Variants in TAF2 observed in about 807,000 individuals in gnomAD.
TAF2 encodes the protein transcription initiation factor TFIID subunit 2.
A neutral mutation model predicts 138.5 loss-of-function variants in TAF2; 61 were observed. The observed-to-expected ratio is 0.44, with a 90% CI of 0.36 to 0.54. The LOEUF (loss-of-function observed/expected upper bound fraction) is 0.54, where lower values mean the gene tolerates loss of function less well. TAF2 is among the 20% of genes least tolerant of loss of function. TAF2 has a pLI of 0.00. For missense variants in TAF2, 1,090 were observed against 1,427.9 expected (o/e 0.76, Z 3.81); for synonymous variants, 475 against 469.9 (o/e 1.01, Z -0.14).
chr8:119,806,535 T>C lies in TAF2; in HGVS notation c.300-134A>G. The C allele has an allele frequency of 1.0e-5, 7 of 691,278 alleles. No homozygotes were observed. The South Asian group carries it at 1.2e-4, about 12-fold the overall frequency. The allele number at this position is 691,278 out of a possible 1,614,324, so 42.8% of individuals were successfully genotyped here. On this transcript the variant is annotated intron_variant, in intron 3 of 25. Coordinates refer to ENST00000378164, the MANE Select transcript of TAF2 (RefSeq NM_003184.4). ...CCCAGGCCAGAGGTCAGTGGCACCA[T>C]CTCAACTCACTGCAACCTCCACCTC...
At chr8:119,754,127 T>C (rs1820539973) in intron 22 of TAF2, among the ~76,000 whole-genome samples, 1 of 152,170 alleles carries the variant, frequency 6.6e-6, no homozygotes, top group Non-Finnish European at 1.5e-5. Flanking sequence ...ACAAGGTCCA[T>C]CCTATTTTCA....
intron 6 of TAF2, among the ~76,000 whole-genome samples, chr8:119,798,813 G>C (rs1028505768): frequency 1.1e-4 from 16 of 152,052 alleles, no homozygotes; most frequent in Non-Finnish European, 1.5e-5. Flanking sequence ...GCTACCATAA[G>C]AGTGGAGAAA....
At chr8:119,758,886 T>C (rs937851495) in intron 20 of TAF2, among the ~76,000 whole-genome samples, 4 of 152,154 alleles carry the variant, frequency 2.6e-5, no homozygotes, top group Admixed American at 2.0e-4. Context: ...TTAAATTATA[T>C]TCATAGTTCA....
At chr8:119,819,324 A>C in intron 3 of TAF2, 22 bp downstream of exon 3, 1 of 1,608,166 alleles carries the variant, frequency 6.2e-7, no homozygotes, top group Non-Finnish European at 8.5e-7. Flanking sequence ...AAAAATAGTG[A>C]CTTTTAAAGT....
chr8:119,803,611 G>A (rs1824413297), intron 5 of TAF2, among the ~76,000 whole-genome samples: 1 of 151,352 alleles, frequency 6.6e-6, no homozygotes, highest in South Asian at 2.1e-4. Flanking sequence ...AGAATCACTT[G>A]AACCCAGGAG....
At chr8:119,826,290 C>A (rs1355212353) in intron 2 of TAF2, among the ~76,000 whole-genome samples, 17 of 149,942 alleles carry the variant, frequency 1.1e-4, no homozygotes, top group African/African-American at 2.7e-4. Context: ...AACAAACAAA[C>A]AAAAAAAACA....
chr8:119,764,395 G>T (rs1821287041), intron 18 of TAF2, among the ~76,000 whole-genome samples: 1 of 152,130 alleles, frequency 6.6e-6, no homozygotes, highest in Admixed American at 6.5e-5. Context: ...TTTTCAAAAT[G>T]AAAACACAGT....
In TAF2 at chr8:119,803,954, C is replaced by T. The variant is rs1395087372; in HGVS notation, c.484G>A (p.Val162Met). Residue 162 changes from valine to methionine, a missense_variant, in exon 5 of 26, where the codon GTG becomes ATG. Val to Met is a conservative substitution (Grantham distance 21). Transcript: ENST00000378164. ...ATACTTCCCTCTACACTGGGTACCA[C>T]AAAATGAAGACCTCCTTTGGGCTGA... ...LDQPKGGLHF[V>M]VPSVEGSMAE... 4 of 1,613,938 alleles carry T rather than the reference C, an allele frequency of 2.5e-6. No homozygotes were observed. Among genetic ancestry groups the T allele is most frequent in the African/African-American group, 1.3e-5 (1 of 74,908 alleles).
At chr8:119,750,769 A>G (rs767551131) in intron 22 of TAF2, among the ~76,000 whole-genome samples, 4 of 152,208 alleles carry the variant, frequency 2.6e-5, no homozygotes, top group Non-Finnish European at 5.9e-5. Flanking sequence ...AATCCTATCA[A>G]ACTGAATTAG....
At chr8:119,788,188 G>A in intron 14 of TAF2, 150 bp downstream of exon 14, 1 of 665,228 alleles carries the variant, frequency 1.5e-6, no homozygotes, top group Non-Finnish European at 2.6e-6. Context: ...GTACACCTAT[G>A]TAACAAACCT....
chr8:119,780,645 A>G (rs761581874), intron 17 of TAF2, among the ~76,000 whole-genome samples: 2 of 152,146 alleles, frequency 1.3e-5, no homozygotes, highest in Non-Finnish European at 2.9e-5. Flanking sequence ...GTTTAAAAGT[A>G]AAAAAAGAGG....
At chr8:119,797,627 T>TA in intron 7 of TAF2, 35 bp downstream of exon 7, 1 of 1,593,318 alleles carries the variant, frequency 6.3e-7, no homozygotes, top group Non-Finnish European at 8.6e-7. Flanking sequence ...ATCATGATCT[T>TA]AATTTAGGCA....
intron 20 of TAF2, among the ~76,000 whole-genome samples, chr8:119,759,299 T>C (rs1321787317): frequency 6.6e-6 from 1 of 152,058 alleles, no homozygotes; most frequent in Non-Finnish European, 1.5e-5. Flanking sequence ...ATATACACAT[T>C]ATGCTGTTAT....
intron 19 of TAF2, 81 bp from the exon 20 acceptor site, chr8:119,760,819 T>C (rs1821013214): frequency 1.9e-6 from 3 of 1,579,072 alleles, no homozygotes; most frequent in Admixed American, 1.7e-5. Context: ...AGAGAATCCT[T>C]TGTGGCAATC....
At chr8:119,804,907 G>A (rs1335883120) in intron 4 of TAF2, among the ~76,000 whole-genome samples, 1 of 151,900 alleles carries the variant, frequency 6.6e-6, no homozygotes, top group Non-Finnish European at 1.5e-5. Flanking sequence ...AAACTGTGTT[G>A]CTTTCATAAG....
intron 3 of TAF2, among the ~76,000 whole-genome samples, chr8:119,817,154 C>T (rs1469845876): frequency 2.0e-5 from 3 of 152,182 alleles, no homozygotes; most frequent in African/African-American, 7.2e-5. Context: ...TTCCATCTTT[C>T]CCAATTTCCT....
At chr8:119,779,537 G>A (rs952112824) in intron 17 of TAF2, among the ~76,000 whole-genome samples, 3 of 152,058 alleles carry the variant, frequency 2.0e-5, no homozygotes, top group African/African-American at 4.8e-5. Flanking sequence ...TTCGTGAAAT[G>A]GTAATACAGA....
chr8:119,773,131 TTTCC>T (rs1045046844), intron 18 of TAF2, among the ~76,000 whole-genome samples: 1 of 150,664 alleles, frequency 6.6e-6, no homozygotes, highest in African/African-American at 2.4e-5. Context: ...TCTTTAAAAT[TTTCC>T]TTTTTTAAAA....
chr8:119,807,325 T>A (rs1053916053), intron 3 of TAF2, among the ~76,000 whole-genome samples: 2 of 152,130 alleles, frequency 1.3e-5, no homozygotes, highest in Non-Finnish European at 2.9e-5. Context: ...TACGATGAAG[T>A]CTTACAGAAA....
Sources: allele counts gnomAD v4.1 joint callset (sites outside exome capture counted in the v4.1 genomes callset), GRCh38; gene constraint gnomAD v4.1.1; transcripts MANE v1.5; gene names NCBI Gene and HGNC (gene_info 2026-07-23, HGNC 2026-07-21).